The following SSBP2 variants were observed in gnomAD, a reference collection of about 807,000 sequenced individuals.
The protein encoded by SSBP2 is single-stranded DNA-binding protein 2.
A neutral mutation model predicts 61.8 loss-of-function variants in SSBP2; 17 were observed. That is an observed-to-expected ratio of 0.28 (90% CI 0.19 to 0.41). The LOEUF (loss-of-function observed/expected upper bound fraction) is 0.41. Among genes scored for constraint, SSBP2 ranks in the 10% least tolerant of loss-of-function variants. The probability of loss-of-function intolerance (pLI) is 1.00; values close to 1 mark genes in which losing one functional copy is unlikely to be tolerated. For synonymous variants in SSBP2, 139 were observed against 141.3 expected (o/e 0.98, Z 0.12); for missense variants, 310 against 458.7 (o/e 0.68, Z 2.96).
At chr5:81,660,771 T>C (rs1262479021) in intron 1 of SSBP2, among the ~76,000 whole-genome samples, 1 of 152,114 alleles carries the variant, frequency 6.6e-6, no homozygotes, top group Non-Finnish European at 1.5e-5. Context: ...TGACCATCAA[T>C]GATAGACTGG....
At chr5:81,450,279 C>A (rs1763682907) in intron 10 of SSBP2, among the ~76,000 whole-genome samples, 1 of 152,140 alleles carries the variant, frequency 6.6e-6, no homozygotes, top group Non-Finnish European at 1.5e-5. Flanking sequence ...GTCTTGACCT[C>A]CCAAAGTGTC....
At chr5:81,424,497 T>C (rs1159734258) in intron 16 of SSBP2, among the ~76,000 whole-genome samples, 2 of 152,058 alleles carry the variant, frequency 1.3e-5, no homozygotes, top group African/African-American at 4.8e-5. Flanking sequence ...AAAGTTTAAT[T>C]TTTGAGTAGT....
At chr5:81,747,063 T>C (rs1052036018) in intron 1 of SSBP2, among the ~76,000 whole-genome samples, 3 of 150,956 alleles carry the variant, frequency 2.0e-5, no homozygotes, top group Non-Finnish European at 4.4e-5. Flanking sequence ...TTCGTCATTA[T>C]GTTAGGCTTC....
intron 12 of SSBP2, 49 bp from the exon 13 acceptor site, chr5:81,442,772 C>A: frequency 1.1e-6 from 1 of 941,156 alleles, no homozygotes; most frequent in East Asian, 2.7e-5. Context: ...AGTCTATACC[C>A]AATTCATCAC....
intron 10 of SSBP2, among the ~76,000 whole-genome samples, chr5:81,453,565 T>C (rs543785787): frequency 6.6e-6 from 1 of 151,200 alleles, no homozygotes; most frequent in East Asian, 2.0e-4. Context: ...CACGCCATTC[T>C]CTTGCCTCAG....
intron 4 of SSBP2, among the ~76,000 whole-genome samples, chr5:81,583,826 T>C (rs1249870332): frequency 1.3e-5 from 2 of 152,190 alleles, no homozygotes; most frequent in Non-Finnish European, 2.9e-5. Context: ...CAAATGCCAA[T>C]GTCATTCCAG....
chr5:81,733,423 C>T (rs1756394438), intron 1 of SSBP2, among the ~76,000 whole-genome samples: 1 of 151,586 alleles, frequency 6.6e-6, no homozygotes, highest in Non-Finnish European at 1.5e-5. Context: ...ATCAATACAT[C>T]AACAGCTAGA....
At chr5:81,475,439 T>C (rs1404694187) in intron 6 of SSBP2, among the ~76,000 whole-genome samples, 1 of 152,128 alleles carries the variant, frequency 6.6e-6, no homozygotes, top group Non-Finnish European at 1.5e-5. Flanking sequence ...GTAGGTAGCT[T>C]CCATTTCCCA....
chr5:81,600,829 G>A (rs1744294322), intron 4 of SSBP2, among the ~76,000 whole-genome samples: 1 of 152,076 alleles, frequency 6.6e-6, no homozygotes, highest in African/African-American at 2.4e-5. Flanking sequence ...CAAAATAATA[G>A]AGTAGAATAA....
At chr5:81,700,957 G>A (rs949093132) in intron 1 of SSBP2, among the ~76,000 whole-genome samples, 2 of 152,150 alleles carry the variant, frequency 1.3e-5, no homozygotes, top group African/African-American at 4.8e-5. Flanking sequence ...CTACTTTCTT[G>A]TCATTTGTGT....
chr5:81,583,433 TC>T (rs1433721429), intron 4 of SSBP2, among the ~76,000 whole-genome samples: 7 of 151,698 alleles, frequency 4.6e-5, no homozygotes, highest in African/African-American at 1.7e-4. Flanking sequence ...ATTGAGACCA[TC>T]CTGGCTAACA....
rs536753491 is a variant in SSBP2, at chr5:81,423,578, A to G, written c.1057-3045T>C. 3.7e-4 allele frequency among the ~76,000 whole-genome samples: 57 copies of G among 152,184 alleles called. No homozygotes were observed. In the South Asian group the frequency reaches 0.012, roughly 32 times the overall value. On this transcript the variant is annotated intron_variant, in intron 16 of 16. Transcript: ENST00000320672. ...GCCAAGATGGTGAAACTCTGTCTCT[A>G]CTAAAAAATACAAAAAGTTAGCCAG... is the stretch of plus-strand genomic sequence containing the variant.
chr5:81,429,455 A>G (rs569203209), intron 15 of SSBP2, among the ~76,000 whole-genome samples: 52 of 152,290 alleles, frequency 3.4e-4, no homozygotes, highest in African/African-American at 1.2e-3. Context: ...AATTTTAGCC[A>G]TGGCAGGATA....
chr5:81,668,248 T>TAAAAAA (rs11332987), intron 1 of SSBP2, among the ~76,000 whole-genome samples: 3 of 94,908 alleles, frequency 3.2e-5, no homozygotes, highest in African/African-American at 8.3e-5. Context: ...TATGGAAGTT[T>TAAAAAA]AAAAAAAAAA....
chr5:81,577,111 A>T lies in SSBP2; in HGVS notation c.282+38362T>A, dbSNP rs147539887. Among the ~76,000 whole-genome samples the T allele has an allele frequency of 1.1e-3, 162 of 152,156 alleles. 2 individuals carry two copies. The highest frequency in any genetic ancestry group is 2.4e-4 in the Non-Finnish European group (16 of 67,908). On this transcript the variant is annotated intron_variant, in intron 4 of 16. Transcript: ENST00000320672. ...ATAAAATTATGCTACATGTATTTTTATATGTTTACATGTATAGGTTATATG... is the reference window on the plus strand; with the variant it reads ...ATAAAATTATGCTACATGTATTTTTTTATGTTTACATGTATAGGTTATATG...
intron 1 of SSBP2, among the ~76,000 whole-genome samples, chr5:81,683,650 CTG>C (rs1752566050): frequency 6.6e-6 from 1 of 152,052 alleles, no homozygotes; most frequent in Non-Finnish European, 1.5e-5. Flanking sequence ...AAATTAAAAA[CTG>C]TGTGAAAGGC....
At chr5:81,576,951 C>T (rs192660050) in intron 4 of SSBP2, among the ~76,000 whole-genome samples, 254 of 151,984 alleles carry the variant, frequency 1.7e-3, no homozygotes, top group Non-Finnish European at 2.6e-3. Flanking sequence ...AGAGAATCTA[C>T]ATCATTACAA....
rs181009869 is a variant in SSBP2, at chr5:81,615,837, A to G, written c.198-280T>C. Among the ~76,000 whole-genome samples, 20 of 152,346 alleles carry G rather than the reference A, an allele frequency of 1.3e-4. No individual in the cohort carries two copies. The East Asian group carries it at 3.9e-3, about 29-fold the overall frequency. On this transcript the variant is annotated intron_variant, in intron 3 of 16. Transcript: ENST00000320672. Reference sequence around the variant, plus strand: ...TATAACTGGCTGTTTACATGATATAAAACACTTGATTGGAGTAGCTGTAAT... The same window carrying G: ...TATAACTGGCTGTTTACATGATATAGAACACTTGATTGGAGTAGCTGTAAT...
intron 4 of SSBP2, among the ~76,000 whole-genome samples, chr5:81,541,044 G>A (rs903362630): frequency 2.6e-5 from 4 of 151,980 alleles, no homozygotes; most frequent in Non-Finnish European, 5.9e-5. Flanking sequence ...GTTTCCTGGA[G>A]CTGATAAACT....
Sources: allele counts gnomAD v4.1 joint callset (sites outside exome capture counted in the v4.1 genomes callset), GRCh38; gene constraint gnomAD v4.1.1; transcripts MANE v1.5; gene names NCBI Gene and HGNC (gene_info 2026-07-23, HGNC 2026-07-21).